CDK14: variants seen among roughly 807,000 people sequenced by gnomAD.
CDK14 encodes the protein cyclin-dependent kinase 14.
CDK14 carries 34 observed loss-of-function variants against 60.7 expected under a neutral mutation model. That is an observed-to-expected ratio of 0.56 (90% CI 0.43 to 0.75). CDK14 has a LOEUF of 0.75. Among genes scored for constraint, CDK14 ranks in the 30% least tolerant of loss-of-function variants. The probability of loss-of-function intolerance (pLI) is 0.00; values close to 1 mark genes in which losing one functional copy is unlikely to be tolerated. For synonymous variants in CDK14, 197 were observed against 203.7 expected, an observed-to-expected ratio of 0.97 and a Z score of 0.28; for missense variants, 482 against 564.1, an observed-to-expected ratio of 0.85 and a Z score of 1.47.
rs117473234 is a variant in CDK14, at chr7:91,042,191, C to T, written c.1042-3706C>T. On this transcript the variant is annotated intron_variant, in intron 10 of 14. Transcript: ENST00000380050. ...GAAGAGAATTCACTATGAGAAGACA[C>T]GGGGGCTGAGCATCGTGTTAATTTG... Among the ~76,000 whole-genome samples, 91 of 152,202 alleles carry T rather than the reference C, an allele frequency of 6.0e-4. No homozygotes were observed. In the East Asian group the frequency reaches 0.017, roughly 28 times the overall value.
rs1167300040 is a variant in CDK14 at position 90,917,580 on chromosome 7, CT to C, written c.703-18del. On this transcript the variant is annotated intron_variant, in intron 7 of 14. Coordinates refer to ENST00000380050, the MANE Select transcript of CDK14 (RefSeq NM_001287135.2). Reference sequence around the variant, plus strand: ...CATTTATCTGTGTTCTGATTTTAACCTTTGTCTCCTTATTTTTCAGTTGTTT... The same window carrying C: ...CATTTATCTGTGTTCTGATTTTAACCTTGTCTCCTTATTTTTCAGTTGTTT... 2 of 1,608,562 alleles carry C rather than the reference CT, an allele frequency of 1.2e-6. No homozygotes were observed. The highest frequency in any genetic ancestry group is 4.5e-5 in the East Asian group (2 of 44,810).
In CDK14 at chr7:90,903,732, A is replaced by G. The variant is rs547071324; in HGVS notation, c.702+4379A>G. Among the ~76,000 whole-genome samples, 4 of 152,336 alleles carry G rather than the reference A, an allele frequency of 2.6e-5. No individual in the cohort carries two copies. The East Asian group carries it at 7.7e-4, about 29-fold the overall frequency. On this transcript the variant is annotated intron_variant, in intron 7 of 14. Transcript: ENST00000380050. ...AAAAGATTTGGAATGTTCCCAAGAC[A>G]AAGAAATTATAAATATTTGAGGTCA...
chr7:90,676,332 C>G (rs1397460242), intron 2 of CDK14, among the ~76,000 whole-genome samples: 1 of 151,902 alleles, frequency 6.6e-6, no homozygotes, highest in East Asian at 1.9e-4. Flanking sequence ...GGAAAATGGC[C>G]GGAAGGCTGT....
At chr7:90,651,170 C>T (rs1699383330) in intron 2 of CDK14, among the ~76,000 whole-genome samples, 1 of 152,170 alleles carries the variant, frequency 6.6e-6, no homozygotes, top group Non-Finnish European at 1.5e-5. Context: ...AGAGGTCCTT[C>T]ACATCCCTTG....
intron 4 of CDK14, among the ~76,000 whole-genome samples, chr7:90,779,965 C>T (rs1805239631): frequency 6.6e-6 from 1 of 151,996 alleles, no homozygotes; most frequent in Non-Finnish European, 1.5e-5. Flanking sequence ...GCCTTTTTTC[C>T]CCTTGAAGTT....
At position 91,174,105 on chromosome 7, in the gene CDK14, G is replaced by C. The variant is rs572157714; in HGVS notation, c.*29-33060G>C. Among the ~76,000 whole-genome samples, 11 of 152,236 alleles carry C rather than the reference G, an allele frequency of 7.2e-5. No individual in the cohort carries two copies. In the South Asian group the frequency reaches 1.5e-3, roughly 20 times the overall value. The stretch of plus-strand genomic sequence containing the variant: ...GTGGTTCTCCCAGCATGCAGCTGGA[G>C]ATCTGAGAACGGGCAGACTGCCTCC... On this transcript the variant is annotated intron_variant, in intron 14 of 14. Coordinates refer to ENST00000380050, the MANE Select transcript of CDK14 (RefSeq NM_001287135.2).
intron 9 of CDK14, among the ~76,000 whole-genome samples, chr7:90,982,889 G>T (rs764746825): frequency 2.6e-5 from 4 of 151,960 alleles, no homozygotes; most frequent in Non-Finnish European, 5.9e-5. Flanking sequence ...ATGGGCAAAA[G>T]ACATGAACAG....
intron 2 of CDK14, among the ~76,000 whole-genome samples, chr7:90,683,199 G>C (rs10270003): frequency 6.6e-6 from 1 of 152,006 alleles, no homozygotes; most frequent in African/African-American, 2.4e-5. Flanking sequence ...CTTCTCACGT[G>C]CAAGATCCCC....
intron 7 of CDK14, among the ~76,000 whole-genome samples, chr7:90,914,950 T>C (rs978386627): frequency 1.3e-5 from 2 of 152,142 alleles, no homozygotes; most frequent in African/African-American, 4.8e-5. Context: ...GCAGACAGCT[T>C]AGATAAGTAT....
intron 14 of CDK14, among the ~76,000 whole-genome samples, chr7:91,204,133 A>T (rs1055433133): frequency 1.4e-4 from 21 of 152,098 alleles, no homozygotes; most frequent in African/African-American, 4.8e-4. Flanking sequence ...AACTGTTGGG[A>T]TGTAGAGGTA....
intron 11 of CDK14, among the ~76,000 whole-genome samples, chr7:91,051,087 AT>A (rs1797378415): frequency 6.6e-6 from 1 of 152,250 alleles, no homozygotes; most frequent in South Asian, 2.1e-4. Flanking sequence ...CTGGGAAAAT[AT>A]GTACAGTAAT....
intron 2 of CDK14, among the ~76,000 whole-genome samples, chr7:90,623,674 T>C (rs1799820646): frequency 6.6e-6 from 1 of 152,186 alleles, no homozygotes; most frequent in South Asian, 2.1e-4. Context: ...GATCAGAAAG[T>C]CTAGCAATTA....
At chr7:90,762,281 A>G (rs955463714) in intron 4 of CDK14, among the ~76,000 whole-genome samples, 1 of 152,152 alleles carries the variant, frequency 6.6e-6, no homozygotes, top group Non-Finnish European at 1.5e-5. Flanking sequence ...TTTTTGAGGT[A>G]TGGTAGGACT....
At chr7:91,011,519 T>C (rs540532278) in intron 10 of CDK14, among the ~76,000 whole-genome samples, 281 of 152,294 alleles carry the variant, frequency 1.8e-3, no homozygotes, top group Middle Eastern at 0.01. Context: ...TGTTTCCTAA[T>C]ATATTTTGTT....
At chr7:91,125,640 G>C (rs1354878033) in intron 14 of CDK14, among the ~76,000 whole-genome samples, 2 of 151,726 alleles carry the variant, frequency 1.3e-5, no homozygotes, top group Non-Finnish European at 2.9e-5. Context: ...TTAATCAAAG[G>C]TTACTTTTCC....
At chr7:90,597,057 T>C in intron 1 of CDK14, 1 of 280,788 alleles carries the variant, frequency 3.6e-6, no homozygotes. Flanking sequence ...CGCGGCTGCT[T>C]GGGCCACTTG....
At chr7:91,082,630 T>G (rs1438039625) in intron 12 of CDK14, among the ~76,000 whole-genome samples, 1 of 152,192 alleles carries the variant, frequency 6.6e-6, no homozygotes, top group East Asian at 1.9e-4. Flanking sequence ...CCAACCTGAA[T>G]TTAAAAGATT....
intron 2 of CDK14, among the ~76,000 whole-genome samples, chr7:90,611,977 C>T (rs954723363): frequency 1.6e-4 from 25 of 151,778 alleles, no homozygotes; most frequent in African/African-American, 4.1e-4. Flanking sequence ...GGATTACAGA[C>T]GCCCACCACC....
intron 3 of CDK14, among the ~76,000 whole-genome samples, chr7:90,736,265 T>C (rs1020085073): frequency 2.0e-5 from 3 of 151,824 alleles, no homozygotes; most frequent in African/African-American, 7.3e-5. Context: ...CTGTTCCTAT[T>C]TGGCCATCTT....
Sources: gnomAD v4.1 joint callset for allele counts (sites outside exome capture counted in the v4.1 genomes callset) on GRCh38, gnomAD v4.1.1 for gene constraint, MANE v1.5 for transcripts, NCBI Gene and HGNC (gene_info 2026-07-23, HGNC 2026-07-21) for gene names.